PPFIA2: variants seen among roughly 807,000 people sequenced by gnomAD.
The protein encoded by PPFIA2 is liprin-alpha-2.
Under a neutral mutation model 175.5 loss-of-function variants are expected in PPFIA2, and 46 were observed. The observed-to-expected ratio is 0.26, with a 90% CI of 0.21 to 0.34. The LOEUF is 0.34. Among genes scored for constraint, PPFIA2 ranks in the 10% least tolerant of loss-of-function variants. The pLI is 1.00. For missense variants in PPFIA2, 1,179 were observed against 1,506.1 expected (o/e 0.78, Z 3.60); for synonymous variants, 568 against 511.4 (o/e 1.11, Z -1.49).
intron 4 of PPFIA2, among the ~76,000 whole-genome samples, chr12:81,478,900 C>T (rs536448156): frequency 2.6e-5 from 4 of 151,962 alleles, no homozygotes; most frequent in African/African-American, 4.8e-5. Flanking sequence ...TCTGTTGATT[C>T]GGAGTGGAGA....
intron 5 of PPFIA2, among the ~76,000 whole-genome samples, chr12:81,449,488 C>CAAAAAAA (rs552912790): frequency 2.1e-5 from 2 of 93,274 alleles, no homozygotes; most frequent in Non-Finnish European, 4.4e-5. Flanking sequence ...TTACTTCAGA[C>CAAAAAAA]AAAAAAAAAA....
chr12:81,714,974 T>G (rs1357606898), intron 3 of PPFIA2, among the ~76,000 whole-genome samples: 8 of 151,070 alleles, frequency 5.3e-5, no homozygotes, highest in African/African-American at 1.7e-4. Flanking sequence ...GGATTTGATA[T>G]ATAATTATCT....
At chr12:81,283,102 C>A (rs1053660814) in intron 25 of PPFIA2, 63 bp from the exon 26 acceptor site, 26 of 1,527,616 alleles carry the variant, frequency 1.7e-5, no homozygotes, top group Non-Finnish European at 2.2e-5. Flanking sequence ...CAAATCAATA[C>A]AGTAAAATTT....
chr12:81,388,295 G>C (rs1333435967), intron 8 of PPFIA2, among the ~76,000 whole-genome samples: 1 of 152,094 alleles, frequency 6.6e-6, no homozygotes, highest in Non-Finnish European at 1.5e-5. Context: ...AATATAACTT[G>C]ATATGCTTGT....
chr12:81,663,960 T>C (rs1022660574), intron 4 of PPFIA2, among the ~76,000 whole-genome samples: 8 of 152,190 alleles, frequency 5.3e-5, no homozygotes, highest in African/African-American at 1.4e-4. Context: ...ATTTAATAAA[T>C]GGTGCTGGGA....
At chr12:81,538,460 T>C (rs2065726369) in intron 4 of PPFIA2, among the ~76,000 whole-genome samples, 1 of 151,842 alleles carries the variant, frequency 6.6e-6, no homozygotes, top group African/African-American at 2.4e-5. Context: ...ATATGTTTTA[T>C]GTAACAGAGA....
In PPFIA2 at chr12:81,728,508, A is replaced by G. The variant is rs986212356; in HGVS notation, c.249+25465T>C. On this transcript the variant is annotated intron_variant, in intron 3 of 32. Coordinates refer to ENST00000549396, the MANE Select transcript of PPFIA2 (RefSeq NM_003625.5). ...GCAAGATGAGAAAATTAGTACAACT[A>G]TACTTCCTTCTACTTGCTATCCCCC... Among the ~76,000 whole-genome samples, 3 of 151,392 alleles carry G rather than the reference A, an allele frequency of 2.0e-5. No homozygotes were observed. In the East Asian group the frequency reaches 5.8e-4, roughly 29 times the overall value.
intron 7 of PPFIA2, among the ~76,000 whole-genome samples, chr12:81,413,053 C>G (rs1304678169): frequency 6.6e-6 from 1 of 151,812 alleles, no homozygotes; most frequent in African/African-American, 2.4e-5. Context: ...CAAGGAGTTA[C>G]AGAATGCCTT....
At chr12:81,292,931 T>C (rs1196914539) in intron 24 of PPFIA2, 1 of 152,034 alleles carries the variant, frequency 6.6e-6, no homozygotes, top group African/African-American at 2.4e-5. Flanking sequence ...AATGGAGTTA[T>C]GTAAGAATTA....
intron 3 of PPFIA2, among the ~76,000 whole-genome samples, chr12:81,682,080 A>C (rs117324024): frequency 0.025 from 3,797 of 152,158 alleles, 77 homozygotes; most frequent in Non-Finnish European, 0.037. Flanking sequence ...TTATGGGTTA[A>C]ATTATGTTCC....
At chr12:81,335,188 G>C (rs1445951473) in intron 21 of PPFIA2, among the ~76,000 whole-genome samples, 1 of 152,116 alleles carries the variant, frequency 6.6e-6, no homozygotes, top group South Asian at 2.1e-4. Flanking sequence ...GCAAGATCAA[G>C]TGATAGCTTT....
chr12:81,619,131 G>A (rs1770836272), intron 4 of PPFIA2, among the ~76,000 whole-genome samples: 1 of 152,090 alleles, frequency 6.6e-6, no homozygotes, highest in Admixed American at 6.6e-5. Flanking sequence ...TGTCCTATAT[G>A]TTACTTACTA....
chr12:81,570,846 A>T (rs779329780), intron 4 of PPFIA2, among the ~76,000 whole-genome samples: 6 of 151,912 alleles, frequency 3.9e-5, no homozygotes, highest in Non-Finnish European at 7.4e-5. Flanking sequence ...TCATCCCATC[A>T]TAGAAAGCCG....
At chr12:81,407,744 G>T (rs2043196167) in intron 7 of PPFIA2, among the ~76,000 whole-genome samples, 1 of 152,046 alleles carries the variant, frequency 6.6e-6, no homozygotes, top group Non-Finnish European at 1.5e-5. Flanking sequence ...TATCACAGGG[G>T]ACACAATCCC....
At chr12:81,517,813 T>C (rs1379325298) in intron 4 of PPFIA2, among the ~76,000 whole-genome samples, 2 of 152,144 alleles carry the variant, frequency 1.3e-5, no homozygotes, top group African/African-American at 4.8e-5. Context: ...GAATTCTTAC[T>C]ATTCATTACC....
At chr12:81,455,159 G>A (rs2053365828) in intron 5 of PPFIA2, among the ~76,000 whole-genome samples, 1 of 152,136 alleles carries the variant, frequency 6.6e-6, no homozygotes, top group Non-Finnish European at 1.5e-5. Flanking sequence ...TCTAGAAAGA[G>A]AAACAACTAT....
At chr12:81,445,106 T>C (rs1331535450) in intron 6 of PPFIA2, among the ~76,000 whole-genome samples, 2 of 149,006 alleles carry the variant, frequency 1.3e-5, no homozygotes, top group Non-Finnish European at 3.0e-5. Flanking sequence ...GCTTCTAAAA[T>C]AAATGTCTAA....
intron 7 of PPFIA2, among the ~76,000 whole-genome samples, chr12:81,416,832 A>T (rs1328286094): frequency 6.6e-6 from 1 of 151,740 alleles, no homozygotes; most frequent in Non-Finnish European, 1.5e-5. Context: ...AAAATTAAAG[A>T]TACTGAGTTA....
At chr12:81,422,376 A>T (rs965761829) in intron 7 of PPFIA2, among the ~76,000 whole-genome samples, 1 of 152,038 alleles carries the variant, frequency 6.6e-6, no homozygotes, top group African/African-American at 2.4e-5. Flanking sequence ...CTGCTGCATG[A>T]CTACTTTTAA....
Sources: allele counts gnomAD v4.1 joint callset (sites outside exome capture counted in the v4.1 genomes callset), GRCh38; gene constraint gnomAD v4.1.1; transcripts MANE v1.5; gene names NCBI Gene and HGNC (gene_info 2026-07-23, HGNC 2026-07-21).